Variants in SLC34A2 observed in about 807,000 individuals in gnomAD.
SLC34A2 encodes solute carrier family 34 member 2, also known as sodium-dependent phosphate transport protein 2B.
Under a neutral mutation model 50.8 loss-of-function variants are expected in SLC34A2, and 41 were observed. The ratio of observed to expected loss-of-function variants is 0.81; its 90% CI spans 0.63 to 1.05. The LOEUF (loss-of-function observed/expected upper bound fraction) is 1.05, where lower values mean the gene tolerates loss of function less well. Ranked by LOEUF, SLC34A2 falls within the 50% of genes least tolerant of loss-of-function variation. The pLI, the probability that SLC34A2 is intolerant of heterozygous loss-of-function variation, is 0.00. For synonymous variants in SLC34A2, 401 were observed against 364.2 expected (o/e 1.10, Z -1.15); for missense variants, 879 against 876.7 (o/e 1.00, Z -0.03).
chr4:25,663,749 T>C (rs1294327889), intron 3 of SLC34A2, among the ~76,000 whole-genome samples: 2 of 152,142 alleles, frequency 1.3e-5, no homozygotes, highest in Admixed American at 6.5e-5. Flanking sequence ...CCCCAAGCCC[T>C]CCATAAATTG....
rs371683311 is a variant in SLC34A2, at chr4:25,671,613, G to A, written c.940G>A (p.Val314Ile). Reference protein sequence around the residue: ...KTFTNKTQINVTVPSTANCTS... With the variant: ...KTFTNKTQINITVPSTANCTS... Reference sequence around the variant, plus strand: ...GTTTGTCATCCAGACCCAGATTAACGTCACTGTTCCCTCGACTGCTAACTG... The same window carrying A: ...GTTTGTCATCCAGACCCAGATTAACATCACTGTTCCCTCGACTGCTAACTG... Residue 314 changes from valine to isoleucine, a missense_variant, in exon 9 of 13, where the codon GTC (valine) becomes ATC (isoleucine). Val to Ile is a conservative substitution (Grantham distance 29). Transcript: ENST00000382051. 94 of 1,613,912 alleles carry A rather than the reference G, an allele frequency of 5.8e-5. No individual in the cohort carries two copies. Among genetic ancestry groups the A allele is most frequent in the Middle Eastern group, 3.3e-4 (2 of 6,084 alleles).
At chr4:25,667,795 CT>C in intron 5 of SLC34A2, 84 bp from the exon 6 acceptor site, 2 of 858,970 alleles carry the variant, frequency 2.3e-6, no homozygotes, top group Non-Finnish European at 3.9e-6. Flanking sequence ...AAAACTACTT[CT>C]TTAGAGGATA....
intron 1 of SLC34A2, among the ~76,000 whole-genome samples, chr4:25,659,827 T>TA (rs1714086242): frequency 6.6e-6 from 1 of 152,194 alleles, no homozygotes; most frequent in African/African-American, 2.4e-5. Flanking sequence ...TTGCATCTTT[T>TA]AAAATAATTT....
In SLC34A2 at chr4:25,674,565, C is replaced by T. The variant is rs1355369590; in HGVS notation, c.1394C>T (p.Thr465Ile). Residue 465 changes from threonine (T) to isoleucine (I), a missense_variant, in exon 12 of 13, where the codon ACC becomes ATC. Coordinates refer to ENST00000382051, the MANE Select transcript of SLC34A2 (RefSeq NM_006424.3). ...YPLTLGSNIG[T>I]TTTAILAALA... ...CTCACGCTGGGCTCCAACATCGGCA[C>T]CACCACCACCGCCATCCTGGCCGCC... is the stretch of plus-strand genomic sequence containing the variant. The T allele has an allele frequency of 1.2e-6, 2 of 1,614,164 alleles. No homozygotes were observed. The highest frequency in any genetic ancestry group is 1.7e-6 in the Non-Finnish European group (2 of 1,180,010).
chr4:25,676,409 G>T lies in SLC34A2; in HGVS notation c.1733G>T (p.Arg578Leu). 1 of 1,613,926 alleles carries T rather than the reference G, an allele frequency of 6.2e-7. No homozygotes were observed. Residue 578 changes from arginine (R) to leucine (L), a missense_variant, in exon 13 of 13, where the codon CGC (arginine) becomes CTC (leucine). Physicochemically the swap from Arg to Leu is moderately radical, Grantham distance 102. Coordinates refer to ENST00000382051, the MANE Select transcript of SLC34A2 (RefSeq NM_006424.3). ...CTGTGCCTCCGACTCCTGCAGTCTC[G>T]CTGCCCACGCGTCCTGCCGAAGAAA... ...LVLCLRLLQS[R>L]CPRVLPKKLQ...
At position 25,676,720 on chromosome 4, in the gene SLC34A2, G is replaced by A. The variant is rs865848979; in HGVS notation, c.2044G>A (p.Asp682Asn). The A allele has an allele frequency of 2.5e-6, 4 of 1,614,190 alleles. No homozygotes were observed. In the African/African-American group the frequency reaches 5.3e-5, roughly 22 times the overall value. ...REAQGEVPAS[D>N]SKTECTAL ...GGCTCAGGGTGAGGTCCCTGCCTCGGACTCAAAGACCGAATGCACGGCCTT... is the reference window on the plus strand; with the variant it reads ...GGCTCAGGGTGAGGTCCCTGCCTCGAACTCAAAGACCGAATGCACGGCCTT... Residue 682 changes from aspartate (D) to asparagine (N), a missense_variant, in exon 13 of 13, where the codon GAC (aspartate) becomes AAC (asparagine). Physicochemically the swap from Asp to Asn is conservative, Grantham distance 23. Transcript: ENST00000382051.
intron 4 of SLC34A2, 138 bp downstream of exon 4, chr4:25,664,468 A>G (rs1714383849): frequency 4.5e-6 from 4 of 892,796 alleles, no homozygotes; most frequent in Non-Finnish European, 5.4e-6. Flanking sequence ...CAGATCATTT[A>G]TGAAGTCTAT....
In SLC34A2 at chr4:25,677,688, C is replaced by T. The variant is rs184754524; in HGVS notation, c.*939C>T. On this transcript the variant is annotated 3_prime_UTR_variant, in exon 13 of 13. Coordinates refer to ENST00000382051, the MANE Select transcript of SLC34A2 (RefSeq NM_006424.3). ...ATAAAACGTGCAAGTTATCCAGGCTCGTAGCCTGCATGCTGCCACCTTGAA... is the reference window on the plus strand; with the variant it reads ...ATAAAACGTGCAAGTTATCCAGGCTTGTAGCCTGCATGCTGCCACCTTGAA... 7 of 152,330 alleles carry T rather than the reference C, an allele frequency of 4.6e-5. No individual in the cohort carries two copies. Among genetic ancestry groups the T allele is most frequent in the African/African-American group, 9.6e-5 (4 of 41,572 alleles). The allele number at this position is 152,330 out of a possible 1,614,324, so 9.4% of individuals were successfully genotyped here.
Position 25,671,685 on chromosome 4 carries a change from A to G in SLC34A2, c.1012A>G (p.Met338Val). Reference protein sequence around the residue: ...CWTDGIQNWTMKNVTYKENIA... With the variant: ...CWTDGIQNWTVKNVTYKENIA... ...GACGGATGGCATCCAAAACTGGACC[A>G]TGAAGAATGTGACCTACAAGGAGAA... is the stretch of plus-strand genomic sequence containing the variant. The change falls in exon 9 of 13, where the codon ATG becomes GTG. Residue 338 changes from methionine (M) to valine (V), a missense_variant. Coordinates refer to ENST00000382051, the MANE Select transcript of SLC34A2 (RefSeq NM_006424.3). The G allele has an allele frequency of 2.5e-6, 4 of 1,614,228 alleles. No homozygotes were observed. The highest frequency in any genetic ancestry group is 3.4e-6 in the Non-Finnish European group (4 of 1,180,038).
At chr4:25,668,044 C>G (rs548080971) in intron 6 of SLC34A2, 53 bp downstream of exon 6, 35 of 1,179,626 alleles carry the variant, frequency 3.0e-5, no homozygotes, top group Non-Finnish European at 4.4e-5. Flanking sequence ...TTCTTGGCCA[C>G]GCTGTTGTAA....
At position 25,676,709 on chromosome 4, in the gene SLC34A2, T is replaced by C. The variant is rs753118743; in HGVS notation, c.2033T>C (p.Val678Ala). 2.5e-6 allele frequency: 4 copies of C among 1,614,082 alleles called. No individual in the cohort carries two copies. In the Admixed American group the frequency reaches 5.0e-5, roughly 20 times the overall value. Reference sequence around the variant, plus strand: ...ATTAGCAGAGAGGCTCAGGGTGAGGTCCCTGCCTCGGACTCAAAGACCGAA... The same window carrying C: ...ATTAGCAGAGAGGCTCAGGGTGAGGCCCCTGCCTCGGACTCAAAGACCGAA... ...ITISREAQGE[V>A]PASDSKTECT... The change falls in exon 13 of 13, where the codon GTC (valine) becomes GCC (alanine). Residue 678 changes from valine to alanine, a missense_variant. Val to Ala is a moderately conservative substitution (Grantham distance 64, BLOSUM62 0). Coordinates refer to ENST00000382051, the MANE Select transcript of SLC34A2 (RefSeq NM_006424.3).
Position 25,674,367 on chromosome 4 carries a change from G to A in SLC34A2, c.1288G>A (p.Val430Ile), listed in dbSNP as rs201539404. ...CGTCGGGGCAGGCATGACCTTCATC[G>A]TACAGAGCAGCTCTGTGTTCACGTC... Reference protein sequence around the residue: ...ILVGAGMTFIVQSSSVFTSAL... With the variant: ...ILVGAGMTFIIQSSSVFTSAL... Residue 430 changes from valine (V) to isoleucine (I), a missense_variant, in exon 11 of 13, where the codon GTA (valine) becomes ATA (isoleucine). Transcript: ENST00000382051. 2.1e-4 allele frequency: 347 copies of A among 1,614,164 alleles called. 1 individual carries two copies. Among genetic ancestry groups the A allele is most frequent in the East Asian group, 1.5e-3 (69 of 44,870 alleles).
At chr4:25,660,725 A>ACAAAATACAAAAT (rs1714135175) in intron 1 of SLC34A2, among the ~76,000 whole-genome samples, 2 of 152,212 alleles carry the variant, frequency 1.3e-5, no homozygotes, top group South Asian at 2.1e-4. Flanking sequence ...TTGTATTTTT[A>ACAAAATACAAAAT]GTAGAGACGG....
intron 9 of SLC34A2, 49 bp downstream of exon 9, chr4:25,671,770 G>C: frequency 6.2e-7 from 1 of 1,613,678 alleles, no homozygotes; most frequent in Non-Finnish European, 8.5e-7. Flanking sequence ...TTGTCTGGGG[G>C]TGACCTATTT....
intron 5 of SLC34A2, among the ~76,000 whole-genome samples, chr4:25,667,573 G>A (rs1290528409): frequency 6.6e-6 from 1 of 152,134 alleles, no homozygotes; most frequent in Non-Finnish European, 1.5e-5. Flanking sequence ...GAGCCTGTGT[G>A]CCATGCACAA....
At chr4:25,664,766 G>A (rs929594640) in intron 4 of SLC34A2, 1 of 282,578 alleles carries the variant, frequency 3.5e-6, no homozygotes, top group Non-Finnish European at 6.8e-6. Flanking sequence ...TGCATCCATT[G>A]TACTTACCTT....
intron 9 of SLC34A2, among the ~76,000 whole-genome samples, chr4:25,672,731 G>A (rs1345032407): frequency 6.6e-6 from 1 of 151,736 alleles, no homozygotes; most frequent in Non-Finnish European, 1.5e-5. Flanking sequence ...ACTTTGACTT[G>A]CCCATCGAAT....
rs774124314 is a variant in SLC34A2, at chr4:25,676,580, G to T, written c.1904G>T (p.Cys635Phe). ...CGCGCGTGCTGCTTGCTGTGTGACT[G>T]CCCCAAGTGCTGCCGCTGCAGCAAG... ...CCRACCLLCDCPKCCRCSKCC... is the reference protein window; with the variant it reads ...CCRACCLLCDFPKCCRCSKCC... The change falls in exon 13 of 13, where the codon TGC becomes TTC. Residue 635 changes from cysteine to phenylalanine, a missense_variant. Cys to Phe is a radical substitution (Grantham distance 205, BLOSUM62 -2). Transcript: ENST00000382051. The T allele has an allele frequency of 1.9e-6, 3 of 1,612,866 alleles. No individual in the cohort carries two copies. Among genetic ancestry groups the T allele is most frequent in the Admixed American group, 1.7e-5 (1 of 59,982 alleles).
intron 4 of SLC34A2, 95 bp from the exon 5 acceptor site, chr4:25,666,033 C>T (rs1714478723): frequency 6.6e-7 from 1 of 1,516,178 alleles, no homozygotes; most frequent in South Asian, 1.1e-5. Flanking sequence ...CCACAGCCAG[C>T]TGGCCTTGGA....
Sources: gnomAD v4.1 joint callset for allele counts (sites outside exome capture counted in the v4.1 genomes callset) on GRCh38, gnomAD v4.1.1 for gene constraint, MANE v1.5 for transcripts, NCBI Gene and HGNC (gene_info 2026-07-23, HGNC 2026-07-21) for gene names.